AKAP13: variants seen among roughly 807,000 people sequenced by gnomAD.
AKAP13 encodes the protein A-kinase anchoring protein 13.
A neutral mutation model predicts 264.5 loss-of-function variants in AKAP13; 80 were observed. That is an observed-to-expected ratio of 0.30 (90% CI 0.25 to 0.36). The LOEUF is 0.36. Ranked by LOEUF, AKAP13 falls within the 10% of genes least tolerant of loss-of-function variation. The pLI is 1.00. For synonymous variants in AKAP13, 1,380 were observed against 1,250.2 expected (o/e 1.10, Z -2.19); for missense variants, 3,712 against 3,435.2 (o/e 1.08, Z -2.01).
chr15:85,630,199 ACACACACACATCATG>A (rs1316737530), intron 8 of AKAP13, among the ~76,000 whole-genome samples: 2 of 61,734 alleles, frequency 3.2e-5, no homozygotes, highest in South Asian at 5.2e-4. Context: ...ACACACACAC[ACACACACACATCATG>A]AACTAAGATG....
At position 85,741,266 on chromosome 15, in the gene AKAP13, G is replaced by A. The variant is rs755266581; in HGVS notation, c.7829G>A (p.Arg2610Lys). Residue 2610 changes from arginine (R) to lysine (K), a missense_variant, in exon 35 of 37, where the codon AGG becomes AAG. This residue lies in a region of AKAP13 where 611 missense variants were observed against 539.3 expected (regional missense o/e 1.13). Transcript: ENST00000394518. ...RREREWEARE[R>K]ELREREALLA... is the part of the protein sequence containing the mutation. ...GAGCGTGAGTGGGAAGCTCGTGAGA[G>A]GGAGCTGCGGGAGCGGGAGGCCCTC... is the stretch of plus-strand genomic sequence containing the variant. The A allele has an allele frequency of 5.6e-6, 9 of 1,609,534 alleles. No homozygotes were observed. Among genetic ancestry groups the A allele is most frequent in the Non-Finnish European group, 6.8e-6 (8 of 1,178,186 alleles).
At chr15:85,642,509 T>C (rs191654110) in intron 9 of AKAP13, among the ~76,000 whole-genome samples, 10 of 152,350 alleles carry the variant, frequency 6.6e-5, no homozygotes, top group African/African-American at 2.4e-4. Context: ...ACACAGGGTG[T>C]GGATTAGCTC....
intron 34 of AKAP13, chr15:85,740,533 G>T: frequency 4.3e-6 from 2 of 468,572 alleles, no homozygotes; most frequent in Non-Finnish European, 7.6e-6. Context: ...CATGCATCTG[G>T]GAGATTACTT....
intron 1 of AKAP13, among the ~76,000 whole-genome samples, chr15:85,435,307 G>A (rs923055972): frequency 6.5e-4 from 89 of 137,320 alleles, no homozygotes; most frequent in African/African-American, 2.4e-3. Context: ...CAAGAAATAT[G>A]GGACTATGTG....
chr15:85,385,534 A>C (rs980275414), intron 1 of AKAP13, among the ~76,000 whole-genome samples: 1 of 152,110 alleles, frequency 6.6e-6, no homozygotes, highest in Non-Finnish European at 1.5e-5. Flanking sequence ...TTTGTACTCA[A>C]CCGGTTCTCT....
rs756126103 is a variant in AKAP13, at chr15:85,743,513, CTGA to C, written c.8084_8086del (p.Met2695del). The C allele has an allele frequency of 1.2e-6, 2 of 1,614,064 alleles. No individual in the cohort carries two copies. The highest frequency in any genetic ancestry group is 8.5e-7 in the Non-Finnish European group (1 of 1,179,946). On this transcript the variant is annotated inframe_deletion, in exon 36 of 37. Coordinates refer to ENST00000394518, the MANE Select transcript of AKAP13 (RefSeq NM_007200.5). ...ACAGGTTTCCCATCCACATACCAAG[CTGA>C]TGAGGATCCCATCGTTCTTCCCCAG... is the stretch of plus-strand genomic sequence containing the variant.
chr15:85,671,570 ACTTATTT>A (rs2151570308), intron 14 of AKAP13, among the ~76,000 whole-genome samples: 1 of 151,806 alleles, frequency 6.6e-6, no homozygotes, highest in South Asian at 2.1e-4. Context: ...TCTAACGGAG[ACTTATTT>A]TCAAAGATAT....
At chr15:85,519,645 G>A (rs1433282813) in intron 2 of AKAP13, among the ~76,000 whole-genome samples, 1 of 152,216 alleles carries the variant, frequency 6.6e-6, no homozygotes, top group African/African-American at 2.4e-5. Context: ...ATTCTGAGTA[G>A]TAACTGAAGT....
chr15:85,522,813 G>A (rs940057619), intron 3 of AKAP13, among the ~76,000 whole-genome samples: 1 of 151,930 alleles, frequency 6.6e-6, no homozygotes, highest in African/African-American at 2.4e-5. Flanking sequence ...GTCCTACCTA[G>A]TACCTGGCTT....
intron 11 of AKAP13, among the ~76,000 whole-genome samples, chr15:85,656,831 C>T (rs2083121197): frequency 6.6e-6 from 1 of 152,168 alleles, no homozygotes. Flanking sequence ...GTAGTGCCTA[C>T]TATATTTACA....
At chr15:85,617,866 T>G (rs1481640309) in intron 8 of AKAP13, among the ~76,000 whole-genome samples, 1 of 152,254 alleles carries the variant, frequency 6.6e-6, no homozygotes, top group African/African-American at 2.4e-5. Flanking sequence ...CAAGTTCCCA[T>G]GCTTTTGATA....
At chr15:85,433,393 T>C (rs1410093662) in intron 1 of AKAP13, among the ~76,000 whole-genome samples, 1 of 152,134 alleles carries the variant, frequency 6.6e-6, no homozygotes, top group Admixed American at 6.5e-5. Context: ...ATCATCTAAG[T>C]ATGGGAGCAC....
chr15:85,424,036 T>C (rs1433430652), intron 1 of AKAP13, among the ~76,000 whole-genome samples: 1 of 152,230 alleles, frequency 6.6e-6, no homozygotes, highest in East Asian at 1.9e-4. Flanking sequence ...GGCTTTGTTC[T>C]AGTTACGGAA....
At chr15:85,415,121 C>A in intron 1 of AKAP13, 2 of 666,350 alleles carry the variant, frequency 3.0e-6, no homozygotes, top group Non-Finnish European at 5.2e-6. Flanking sequence ...GTAACAGCAT[C>A]CCAGGAGTTT....
chr15:85,503,846 A>T (rs1386484292), intron 2 of AKAP13, among the ~76,000 whole-genome samples: 1 of 152,168 alleles, frequency 6.6e-6, no homozygotes, highest in Non-Finnish European at 1.5e-5. Flanking sequence ...TGAGCCTTGA[A>T]CATGTGTTCA....
At chr15:85,701,088 G>A (rs1189812913) in intron 17 of AKAP13, 4 of 152,162 alleles carry the variant, frequency 2.6e-5, no homozygotes, top group African/African-American at 7.2e-5. Flanking sequence ...TTTCATATAA[G>A]ACTTTTTAGA....
chr15:85,541,695 A>G (rs758099159), intron 4 of AKAP13, among the ~76,000 whole-genome samples: 11 of 152,236 alleles, frequency 7.2e-5, no homozygotes, highest in Non-Finnish European at 1.2e-4. Context: ...CATTTGCACA[A>G]TGAAGATAAC....
At chr15:85,725,381 T>G (rs903517033) in intron 26 of AKAP13, among the ~76,000 whole-genome samples, 1 of 151,000 alleles carries the variant, frequency 6.6e-6, no homozygotes, top group Admixed American at 6.6e-5. Flanking sequence ...TCTGCTTTTT[T>G]GGGGGGAGGG....
intron 5 of AKAP13, among the ~76,000 whole-genome samples, chr15:85,568,816 T>C (rs1480107106): frequency 1.3e-5 from 2 of 152,198 alleles, no homozygotes; most frequent in Non-Finnish European, 2.9e-5. Context: ...TTTTGTTTTG[T>C]AGAACAGAGC....
Sources: gnomAD v4.1 joint callset for allele counts (sites outside exome capture counted in the v4.1 genomes callset) on GRCh38, gnomAD v4.1.1 for gene constraint, gnomAD v4.1.1 regional missense constraint, MANE v1.5 for transcripts, NCBI Gene and HGNC (gene_info 2026-07-23, HGNC 2026-07-21) for gene names.